Variants in LOC400499 observed in about 807,000 individuals in gnomAD.
the LOC400499 span, chr16:11,459,981 T>C: frequency 4.0e-5 from 60 of 1,516,564 alleles, no homozygotes; most frequent in Admixed American, 4.0e-5. Context: ...GCTGTTCTTG[T>C]CCCAGTGCTT....
chr16:11,498,110 G>C, the LOC400499 span, among the ~76,000 whole-genome samples: 11 of 152,096 alleles, frequency 7.2e-5, no homozygotes, highest in Non-Finnish European at 1.5e-4. Flanking sequence ...CTGGGACCTG[G>C]GGGAGATCAA....
the LOC400499 span, chr16:11,462,310 C>T: frequency 1.2e-5 from 18 of 1,472,154 alleles, no homozygotes; most frequent in Middle Eastern, 4.2e-4. Flanking sequence ...AGCCCTGAAA[C>T]GGCCTCAGTG....
chr16:11,383,763 G>C, the LOC400499 span: 2 of 1,232,196 alleles, frequency 1.6e-6, no homozygotes, highest in Non-Finnish European at 1.0e-6. Flanking sequence ...CACACAGGCT[G>C]AGGAATGGTG....
the LOC400499 span, among the ~76,000 whole-genome samples, chr16:11,501,120 G>A: frequency 6.6e-6 from 1 of 151,658 alleles, no homozygotes; most frequent in South Asian, 2.1e-4. Context: ...CTGGGACCCC[G>A]CAGTCTGGCT....
chr16:11,467,651 T>G, the LOC400499 span, among the ~76,000 whole-genome samples: 3 of 152,078 alleles, frequency 2.0e-5, no homozygotes, highest in East Asian at 1.9e-4. Flanking sequence ...AACCTAAACA[T>G]GACAACTGGG....
the LOC400499 span, among the ~76,000 whole-genome samples, chr16:11,490,747 A>C: frequency 6.6e-6 from 1 of 152,240 alleles, no homozygotes; most frequent in Admixed American, 6.5e-5. Context: ...CAGCAAGTAG[A>C]ACATGATCCT....
the LOC400499 span, among the ~76,000 whole-genome samples, chr16:11,507,007 T>G: frequency 6.6e-6 from 1 of 152,168 alleles, no homozygotes; most frequent in Non-Finnish European, 1.5e-5. Context: ...TTTTCAATGC[T>G]GTAAGTAAAA....
At chr16:11,405,384 C>T in the LOC400499 span, among the ~76,000 whole-genome samples, 4 of 152,132 alleles carry the variant, frequency 2.6e-5, no homozygotes, top group Non-Finnish European at 5.9e-5. Flanking sequence ...CCTTAAGGGG[C>T]TCCCAGGGAG....
the LOC400499 span, among the ~76,000 whole-genome samples, chr16:11,479,569 G>A: frequency 6.6e-6 from 1 of 152,106 alleles, no homozygotes; most frequent in Non-Finnish European, 1.5e-5. Flanking sequence ...GCTGTAGCGA[G>A]CTATGATCAT....
chr16:11,462,862 A>G, the LOC400499 span, among the ~76,000 whole-genome samples: 2 of 152,134 alleles, frequency 1.3e-5, no homozygotes, highest in Admixed American at 6.5e-5. Context: ...AACTGTCCCT[A>G]TGGAACGCGT....
the LOC400499 span, among the ~76,000 whole-genome samples, chr16:11,474,276 C>G: frequency 3.2e-3 from 492 of 152,296 alleles, 5 homozygotes; most frequent in African/African-American, 0.011. Context: ...GCTGCGTTCC[C>G]ATACAACTTT....
At chr16:11,474,674 A>C in the LOC400499 span, among the ~76,000 whole-genome samples, 2 of 151,106 alleles carry the variant, frequency 1.3e-5, no homozygotes, top group Non-Finnish European at 2.9e-5. Context: ...AGCCTGGATA[A>C]CATGGTGGAA....
chr16:11,483,074 T>G, the LOC400499 span, among the ~76,000 whole-genome samples: 2 of 152,166 alleles, frequency 1.3e-5, no homozygotes, highest in East Asian at 1.9e-4. Context: ...ATCAATGTCA[T>G]TAGTCATTAG....
At chr16:11,446,766 G>A in the LOC400499 span, 2 of 1,535,956 alleles carry the variant, frequency 1.3e-6, no homozygotes, top group Non-Finnish European at 1.7e-6. Context: ...GTCCGGCCTG[G>A]CAGCCCAGGA....
the LOC400499 span, among the ~76,000 whole-genome samples, chr16:11,512,976 T>C: frequency 0.59 from 89,856 of 152,016 alleles, 27,003 homozygotes; most frequent in Admixed American, 0.66. Context: ...CCCTCCAAGG[T>C]AAACGCTATT....
the LOC400499 span, among the ~76,000 whole-genome samples, chr16:11,387,852 G>A: frequency 6.6e-6 from 1 of 152,194 alleles, no homozygotes; most frequent in South Asian, 2.1e-4. Flanking sequence ...TCAAACTCCT[G>A]ACTTCAACTG....
chr16:11,477,692 T>C, the LOC400499 span: 1 of 395,362 alleles, frequency 2.5e-6, no homozygotes, highest in East Asian at 3.6e-5. Flanking sequence ...GCACACAGTC[T>C]CTTGGCACAG....
chr16:11,423,856 C>G, the LOC400499 span, among the ~76,000 whole-genome samples: 1 of 152,218 alleles, frequency 6.6e-6, no homozygotes, highest in African/African-American at 2.4e-5. Flanking sequence ...GGGCACCCAA[C>G]CCACTCACCT....
chr16:11,405,182 G>C, the LOC400499 span, among the ~76,000 whole-genome samples: 1 of 152,184 alleles, frequency 6.6e-6, no homozygotes, highest in Non-Finnish European at 1.5e-5. Context: ...CTAGAAAATG[G>C]AGGCCAGAAA....
Sources: gnomAD v4.1 joint callset for allele counts (sites outside exome capture counted in the v4.1 genomes callset) on GRCh38, gnomAD v4.1.1 for gene constraint, MANE v1.5 for transcripts.